The following TDRD9 variants were observed in gnomAD, a reference collection of about 807,000 sequenced individuals.
TDRD9 encodes the protein ATP-dependent RNA helicase TDRD9.
In TDRD9, 124 loss-of-function variants were observed where a neutral mutation model predicts 172.6. That is an observed-to-expected ratio of 0.72 (90% CI 0.62 to 0.83). TDRD9 has a LOEUF of 0.83. Ranked by LOEUF, TDRD9 falls within the 40% of genes least tolerant of loss-of-function variation. The pLI, the probability that TDRD9 is intolerant of heterozygous loss-of-function variation, is 0.00. For synonymous variants in TDRD9, 619 were observed against 617.1 expected (o/e 1.00, Z -0.05); for missense variants, 1,479 against 1,714.1 (o/e 0.86, Z 2.42).
intron 1 of TDRD9, among the ~76,000 whole-genome samples, chr14:103,952,220 A>ATAT (rs1595907597): frequency 3.1e-5 from 1 of 32,336 alleles, no homozygotes; most frequent in Non-Finnish European, 5.0e-5. Flanking sequence ...ATATATATAT[A>ATAT]TTTTTTTTTT....
Position 104,004,273 on chromosome 14 carries a change from C to T in TDRD9, c.1519C>T (p.Arg507Trp), listed in dbSNP as rs762474667. ...AGRVSRGYCYRLVHKDFWDNS... is the reference protein window; with the variant it reads ...AGRVSRGYCYWLVHKDFWDNS... ...ACGAGTGTCTAGAGGGTACTGTTAC[C>T]GGCTGGTACACAAGGATTTCTGGGA... Residue 507 changes from arginine to tryptophan, a missense_variant, in exon 14 of 36, where the codon CGG (arginine) becomes TGG (tryptophan). Transcript: ENST00000409874. The T allele has an allele frequency of 1.1e-5, 17 of 1,603,698 alleles. No homozygotes were observed. Among genetic ancestry groups the T allele is most frequent in the Non-Finnish European group, 1.3e-5 (15 of 1,172,942 alleles).
intron 2 of TDRD9, among the ~76,000 whole-genome samples, chr14:103,956,106 AAAAAAATATATATATAT>A (rs2032203131): frequency 2.3e-5 from 1 of 43,134 alleles, no homozygotes; most frequent in African/African-American, 9.8e-5. Flanking sequence ...AAAAAAAAAA[AAAAAAATATATATATAT>A]ATATATATAT....
Position 104,006,926 on chromosome 14 carries a change from GAGAC to G in TDRD9, c.2007+87_2007+90del, listed in dbSNP as rs1431009441. 4.9e-6 allele frequency: 6 copies of G among 1,220,908 alleles called. No individual in the cohort carries two copies. In the African/African-American group the frequency reaches 9.0e-5, roughly 18 times the overall value. The allele number at this position is 1,220,908 out of a possible 1,614,324, so 75.6% of individuals were successfully genotyped here. On this transcript the variant is annotated intron_variant, in intron 18 of 35. Transcript: ENST00000409874. Reference sequence around the variant, plus strand: ...TTTCATACCACAAACATATGAGGTAGAGACAGACAATGTTTTATCTAGTGAAAGT... The same window carrying G: ...TTTCATACCACAAACATATGAGGTAGAGACAATGTTTTATCTAGTGAAAGT...
At position 103,991,821 on chromosome 14, in the gene TDRD9, A is replaced by G. The variant is rs2033881362; in HGVS notation, c.1180+597A>G. ...TGCCCAGGCAGGGGTACAGTGGCAA[A>G]ATCTTAGCTCACTGCAACCTCTGCC... On this transcript the variant is annotated intron_variant, in intron 9 of 35. Coordinates refer to ENST00000409874, the MANE Select transcript of TDRD9 (RefSeq NM_153046.3). 2.7e-5 allele frequency among the ~76,000 whole-genome samples: 4 copies of G among 147,264 alleles called. No homozygotes were observed. The South Asian group carries it at 8.7e-4, about 32-fold the overall frequency.
At position 104,031,125 on chromosome 14, in the gene TDRD9, C is replaced by T. The variant is rs1403841353; in HGVS notation, c.3300C>T (p.Leu1100=). ...SYESKQSHEV[L]KGLFSKSVEN... Reference sequence around the variant, plus strand: ...TTGTTCAGCAAAGCCATGAAGTTCTCAAGGGCCTCTTTTCCAAGTCAGTAG... The same window carrying T: ...TTGTTCAGCAAAGCCATGAAGTTCTTAAGGGCCTCTTTTCCAAGTCAGTAG... The change falls in exon 29 of 36, where the codon CTC becomes CTT. Residue 1100 remains leucine, a synonymous_variant. Transcript: ENST00000409874. The T allele has an allele frequency of 7.1e-6, 11 of 1,550,502 alleles. No individual in the cohort carries two copies. The highest frequency in any genetic ancestry group is 1.4e-5 in the African/African-American group (1 of 72,972).
chr14:103,941,809 C>G, intron 1 of TDRD9: 1 of 761,984 alleles, frequency 1.3e-6, no homozygotes, highest in Non-Finnish European at 2.0e-6. Context: ...GATTTTTTTT[C>G]ACATTTAGCT....
In TDRD9 at chr14:103,997,366, G is replaced by C. The variant is rs1318498317; in HGVS notation, c.1379-1258G>C. Among the ~76,000 whole-genome samples the C allele has an allele frequency of 6.6e-6, 1 of 152,198 alleles. No homozygotes were observed. Among genetic ancestry groups the C allele is most frequent in the Non-Finnish European group, 1.5e-5 (1 of 68,032 alleles). On this transcript the variant is annotated intron_variant, in intron 12 of 35. Coordinates refer to ENST00000409874, the MANE Select transcript of TDRD9 (RefSeq NM_153046.3). The surrounding 1 kb of genome is among the most constrained non-coding windows in gnomAD (Gnocchi z 5.1). Reference sequence around the variant, plus strand: ...AGGATGTGCTGAGGTCTCTGATGGAGAAATTGTGAGAGACACATTTGGTCG... The same window carrying C: ...AGGATGTGCTGAGGTCTCTGATGGACAAATTGTGAGAGACACATTTGGTCG...
intron 8 of TDRD9, among the ~76,000 whole-genome samples, chr14:103,988,522 T>C (rs2033756594): frequency 6.6e-6 from 1 of 152,126 alleles, no homozygotes; most frequent in Non-Finnish European, 1.5e-5. Flanking sequence ...GGCTGTTTAA[T>C]CCATTTATGT....
chr14:103,955,573 T>G (rs2152131661), intron 1 of TDRD9, 91 bp from the exon 2 acceptor site: 2 of 843,244 alleles, frequency 2.4e-6, no homozygotes, highest in Non-Finnish European at 3.5e-6. Flanking sequence ...TTTGCATTTT[T>G]TCCTGTGACT....
At chr14:103,929,077 A>G (rs1241172386) in intron 1 of TDRD9, among the ~76,000 whole-genome samples, 2 of 151,858 alleles carry the variant, frequency 1.3e-5, no homozygotes, top group African/African-American at 4.8e-5. Flanking sequence ...AGGTGTGGGT[A>G]TTTGTGACAG....
At chr14:103,929,072 TG>T (rs1203318557) in intron 1 of TDRD9, 2 of 158,714 alleles carry the variant, frequency 1.3e-5, no homozygotes, top group Non-Finnish European at 2.8e-5. Flanking sequence ...GCGTAAGGTG[TG>T]GGTATTTGTG....
At chr14:104,032,998 T>C (rs2035332541) in intron 30 of TDRD9, among the ~76,000 whole-genome samples, 1 of 148,572 alleles carries the variant, frequency 6.7e-6, no homozygotes, top group East Asian at 2.0e-4. Flanking sequence ...GGCAAGTGCA[T>C]AGGCCTGAGT....
At chr14:104,049,401 C>G (rs2035877359) in intron 34 of TDRD9, 1 of 388,684 alleles carries the variant, frequency 2.6e-6, no homozygotes, top group Non-Finnish European at 4.6e-6. Context: ...TCTTACAGAT[C>G]TGTCACACTC....
At chr14:103,998,528 G>A (rs1595965644) in intron 12 of TDRD9, 96 bp from the exon 13 acceptor site, 2 of 757,708 alleles carry the variant, frequency 2.6e-6, no homozygotes, top group Non-Finnish European at 4.6e-6. Flanking sequence ...TCTTAAGGCT[G>A]CATGTTTCAA....
chr14:104,006,877 A>G, intron 18 of TDRD9, 32 bp downstream of exon 18: 2 of 1,563,068 alleles, frequency 1.3e-6, no homozygotes, highest in South Asian at 1.1e-5. Context: ...CCATGAAAGC[A>G]GCTACCACAG....
At chr14:103,936,852 G>T (rs964474422) in intron 1 of TDRD9, among the ~76,000 whole-genome samples, 1 of 152,208 alleles carries the variant, frequency 6.6e-6, no homozygotes, top group African/African-American at 2.4e-5. Flanking sequence ...AGTGCTTTGG[G>T]AAGCTGAGGT....
chr14:103,940,776 T>G lies in TDRD9; in HGVS notation c.215+12052T>G, dbSNP rs17101946. The G allele has an allele frequency of 4.9e-4, 713 of 1,452,872 alleles. 3 individuals are homozygous for G. In the African/African-American group the frequency reaches 8.8e-3, roughly 18 times the overall value. The allele number at this position is 1,452,872 out of a possible 1,614,324, so 90.0% of individuals were successfully genotyped here. ...TCTTAATATTAGGAGTTCTAAGGTG[T>G]TCATAAAAACCCCTCTAGTTGTAAG... is the stretch of plus-strand genomic sequence containing the variant. On this transcript the variant is annotated intron_variant, in intron 1 of 35. Coordinates refer to ENST00000409874, the MANE Select transcript of TDRD9 (RefSeq NM_153046.3).
chr14:103,975,622 A>T, intron 7 of TDRD9, 69 bp downstream of exon 7: 1 of 1,442,820 alleles, frequency 6.9e-7, no homozygotes, highest in Admixed American at 2.4e-5. Context: ...TGCATTCATC[A>T]CCTATGATTG....
intron 7 of TDRD9, among the ~76,000 whole-genome samples, chr14:103,983,137 C>A (rs1275176695): frequency 7.0e-6 from 1 of 141,918 alleles, no homozygotes; most frequent in Non-Finnish European, 1.5e-5. Context: ...GATCTCAGCT[C>A]ATTGTAACCT....
Sources: gnomAD v4.1 joint callset for allele counts (sites outside exome capture counted in the v4.1 genomes callset) on GRCh38, gnomAD v4.1.1 for gene constraint, Gnocchi (gnomAD v3.1) non-coding constraint, MANE v1.5 for transcripts, NCBI Gene and HGNC (gene_info 2026-07-23, HGNC 2026-07-21) for gene names.